SDK1: variants seen among roughly 807,000 people sequenced by gnomAD.
SDK1 encodes protein sidekick-1.
SDK1 carries 157 observed loss-of-function variants against 245.5 expected under a neutral mutation model. The observed-to-expected ratio is 0.64, with a 90% confidence interval of 0.56 to 0.73. The LOEUF (loss-of-function observed/expected upper bound fraction) is 0.73, where lower values mean the gene tolerates loss of function less well. Among genes scored for constraint, SDK1 ranks in the 30% least tolerant of loss-of-function variants. SDK1 has a pLI of 0.00. For synonymous variants in SDK1, 1,647 were observed against 1,278.5 expected (o/e 1.29, Z -6.15); for missense variants, 3,583 against 3,002.3 (o/e 1.19, Z -4.52).
chr7:3,736,633 G>T (rs1779325491), intron 4 of SDK1, among the ~76,000 whole-genome samples: 2 of 151,938 alleles, frequency 1.3e-5, no homozygotes, highest in Non-Finnish European at 1.5e-5. Context: ...CACTACTGTG[G>T]GAGTTTTTCT....
chr7:3,999,364 A>T (rs1034244694), intron 14 of SDK1, among the ~76,000 whole-genome samples: 1 of 152,078 alleles, frequency 6.6e-6, no homozygotes, highest in African/African-American at 2.4e-5. Flanking sequence ...GGCAAAGAAC[A>T]CTCACAAAAT....
chr7:3,646,994 A>C (rs77483502), intron 4 of SDK1, among the ~76,000 whole-genome samples: 3,058 of 152,306 alleles, frequency 0.02, 109 homozygotes, highest in African/African-American at 0.07. Flanking sequence ...ACAGAGTTTC[A>C]CAAGATGGAA....
At chr7:3,367,613 T>G (rs1297536598) in intron 1 of SDK1, among the ~76,000 whole-genome samples, 1 of 152,184 alleles carries the variant, frequency 6.6e-6, no homozygotes, top group Non-Finnish European at 1.5e-5. Context: ...GTGCTGAATT[T>G]CCATAGTCTG....
At chr7:4,244,443 AATTCAGCAATGTTGT>A (rs1373774958) in intron 43 of SDK1, among the ~76,000 whole-genome samples, 1 of 152,148 alleles carries the variant, frequency 6.6e-6, no homozygotes, top group African/African-American at 2.4e-5. Context: ...CTGATGTGAA[AATTCAGCAATGTTGT>A]ACTCAGAGTT....
chr7:3,336,788 G>A (rs1432708459), intron 1 of SDK1, among the ~76,000 whole-genome samples: 1 of 152,170 alleles, frequency 6.6e-6, no homozygotes, highest in Non-Finnish European at 1.5e-5. Flanking sequence ...ACTTTGGCTG[G>A]GAAAGTGTCA....
intron 1 of SDK1, among the ~76,000 whole-genome samples, chr7:3,577,156 A>T (rs1358080634): frequency 6.6e-6 from 1 of 150,986 alleles, no homozygotes; most frequent in Non-Finnish European, 1.5e-5. Flanking sequence ...ATCCACACAC[A>T]CTCCTCCATC....
At position 4,120,327 on chromosome 7, in the gene SDK1, C is replaced by G. The variant is rs145465780; in HGVS notation, c.3823+6053C>G. 8.5e-4 allele frequency among the ~76,000 whole-genome samples: 126 copies of G among 148,938 alleles called. 11 individuals are homozygous for G. The highest frequency in any genetic ancestry group is 3.0e-3 in the African/African-American group (122 of 40,794). On this transcript the variant is annotated intron_variant, in intron 25 of 44. Transcript: ENST00000404826. ...CTGAATTCATACCAAGATGTATTTG[C>G]TACAACTGTAAAATGCCAAAGAGAA...
intron 1 of SDK1, among the ~76,000 whole-genome samples, chr7:3,467,029 C>CAGAGAG (rs59335723): frequency 1.5e-5 from 2 of 137,556 alleles, no homozygotes; most frequent in African/African-American, 5.3e-5. Flanking sequence ...CACACACACA[C>CAGAGAG]AGAGATGTAA....
chr7:3,767,240 G>T (rs1031396181), intron 4 of SDK1, among the ~76,000 whole-genome samples: 1 of 152,154 alleles, frequency 6.6e-6, no homozygotes, highest in Non-Finnish European at 1.5e-5. Flanking sequence ...AAGACCACTC[G>T]TGGCTGCAGA....
intron 17 of SDK1, among the ~76,000 whole-genome samples, chr7:4,037,137 T>G (rs1156471061): frequency 6.6e-6 from 1 of 152,222 alleles, no homozygotes; most frequent in African/African-American, 2.4e-5. Flanking sequence ...AATTTGAAAT[T>G]GCAATAGGAA....
intron 4 of SDK1, among the ~76,000 whole-genome samples, chr7:3,736,208 A>G (rs1315931140): frequency 2.0e-5 from 3 of 152,122 alleles, no homozygotes; most frequent in Non-Finnish European, 2.9e-5. Flanking sequence ...GGTACATTTT[A>G]TCTACTTTTA....
intron 1 of SDK1, among the ~76,000 whole-genome samples, chr7:3,607,287 G>T (rs1781454066): frequency 6.6e-6 from 1 of 152,096 alleles, no homozygotes; most frequent in Non-Finnish European, 1.5e-5. Flanking sequence ...ATTCCAGGGG[G>T]AAATCATACA....
chr7:3,405,725 A>G (rs757130556), intron 1 of SDK1, among the ~76,000 whole-genome samples: 15 of 152,158 alleles, frequency 9.9e-5, no homozygotes, highest in Admixed American at 2.0e-4. Context: ...CAAGAGAATT[A>G]ATGGACACTA....
At chr7:4,227,551 C>A (rs964225544) in intron 40 of SDK1, 4 of 435,298 alleles carry the variant, frequency 9.2e-6, no homozygotes, top group African/African-American at 8.2e-5. Flanking sequence ...AAATAAACAA[C>A]TGACAGGCTT....
chr7:3,423,651 A>G (rs1310914942), intron 1 of SDK1, among the ~76,000 whole-genome samples: 1 of 151,612 alleles, frequency 6.6e-6, no homozygotes, highest in Non-Finnish European at 1.5e-5. Flanking sequence ...GGACTGTGCT[A>G]TGTAACTCAG....
In SDK1 at chr7:3,786,172, C is replaced by T. The variant is rs10246377; in HGVS notation, c.714-35278C>T. 5.6e-3 allele frequency among the ~76,000 whole-genome samples: 850 copies of T among 152,306 alleles called. 9 individuals carry two copies. The highest frequency in any genetic ancestry group is 0.02 in the African/African-American group (817 of 41,568). ...ATTTATCTCTTTTACTCTTTCCCTT[C>T]TTCCTTCCATCCTTGTCAAAAGCAT... is the stretch of plus-strand genomic sequence containing the variant. On this transcript the variant is annotated intron_variant, in intron 4 of 44. Coordinates refer to ENST00000404826, the MANE Select transcript of SDK1 (RefSeq NM_152744.4).
chr7:3,704,927 C>A (rs1447860595), intron 4 of SDK1, among the ~76,000 whole-genome samples: 1 of 152,158 alleles, frequency 6.6e-6, no homozygotes, highest in Non-Finnish European at 1.5e-5. Context: ...TTTCTCAATA[C>A]CATTTATTAA....
intron 1 of SDK1, among the ~76,000 whole-genome samples, chr7:3,563,583 G>C (rs550464039): frequency 1.3e-3 from 194 of 152,316 alleles, no homozygotes; most frequent in Middle Eastern, 3.4e-3. Flanking sequence ...CAGAATTGCA[G>C]AGAGACATCA....
At position 4,169,055 on chromosome 7, in the gene SDK1, C is replaced by A. The variant is rs576804401; in HGVS notation, c.4801-5167C>A. On this transcript the variant is annotated intron_variant, in intron 32 of 44. Transcript: ENST00000404826. ...GCTGGGTGAGAGCCATTAGCGGGGA[C>A]CTGTTGCTGTGTGGTTGTCAGGGGC... Among the ~76,000 whole-genome samples the A allele has an allele frequency of 3.3e-5, 5 of 152,192 alleles. No individual in the cohort carries two copies. The South Asian group carries it at 1.0e-3, about 32-fold the overall frequency.
Sources: allele counts gnomAD v4.1 joint callset (sites outside exome capture counted in the v4.1 genomes callset), GRCh38; gene constraint gnomAD v4.1.1; transcripts MANE v1.5; gene names NCBI Gene and HGNC (gene_info 2026-07-23, HGNC 2026-07-21).